Variants in ZNF136 observed in about 807,000 individuals in gnomAD.
ZNF136 encodes the protein zinc finger protein 136.
In ZNF136, 8 loss-of-function variants were observed where a neutral mutation model predicts 11.4. The observed-to-expected ratio is 0.70, with a 90% confidence interval of 0.41 to 1.27. ZNF136 has a LOEUF of 1.27. ZNF136 is among the 50% of genes most tolerant of loss of function. ZNF136 has a pLI of 0.01. For synonymous variants in ZNF136, 190 were observed against 207.1 expected (o/e 0.92, Z 0.71); for missense variants, 590 against 656.5 (o/e 0.90, Z 1.11).
chr19:12,187,024 A>G lies in ZNF136; in HGVS notation c.646A>G (p.Arg216Gly), dbSNP rs1404286645. 6.2e-7 allele frequency: 1 copy of G among 1,614,154 alleles called. No individual in the cohort carries two copies. Among genetic ancestry groups the G allele is most frequent in the Non-Finnish European group, 8.5e-7 (1 of 1,180,014 alleles). The change falls in exon 4 of 4, where the codon AGA (arginine) becomes GGA (glycine). Residue 216 changes from arginine to glycine, a missense_variant. Transcript: ENST00000343979. ...TCCCAGTAGATTTCGAACACATGAA[A>G]GAAGTCACACTGGAGAGAAACCCTA... ...DYPSRFRTHE[R>G]SHTGEKPYEC...
intron 1 of ZNF136, chr19:12,184,919 A>G (rs893076985): frequency 5.3e-5 from 8 of 152,326 alleles, no homozygotes; most frequent in African/African-American, 1.9e-4. Flanking sequence ...AATGGATGTG[A>G]TGCAGGACAG....
chr19:12,181,722 C>A (rs1453976074), intron 1 of ZNF136, among the ~76,000 whole-genome samples: 2 of 152,046 alleles, frequency 1.3e-5, no homozygotes, highest in African/African-American at 4.8e-5. Flanking sequence ...GCAAGCTCCG[C>A]CTCCCGGGTT....
chr19:12,166,124 A>G (rs1977183101), intron 1 of ZNF136, among the ~76,000 whole-genome samples: 1 of 152,032 alleles, frequency 6.6e-6, no homozygotes, highest in Non-Finnish European at 1.5e-5. Flanking sequence ...GGTACTCAGG[A>G]GGCTGAGGCA....
At chr19:12,175,537 T>C (rs962664024) in intron 1 of ZNF136, among the ~76,000 whole-genome samples, 13 of 152,148 alleles carry the variant, frequency 8.5e-5, no homozygotes, top group Admixed American at 2.6e-4. Flanking sequence ...CACAGCAAAA[T>C]TGCACACATA....
intron 1 of ZNF136, chr19:12,184,669 CAG>C (rs2145641288): frequency 6.6e-6 from 1 of 151,882 alleles, no homozygotes; most frequent in South Asian, 2.1e-4. Flanking sequence ...AGTATAATAA[CAG>C]AAGATGGGCT....
In ZNF136 at chr19:12,189,351, C is replaced by CTTCTTTT. The variant is rs910582835; in HGVS notation, c.*1359_*1365dup. 2.0e-5 allele frequency: 3 copies of CTTCTTTT among 150,568 alleles called. No individual in the cohort carries two copies. Among genetic ancestry groups the CTTCTTTT allele is most frequent in the African/African-American group, 7.3e-5 (3 of 40,918 alleles). The allele number at this position is 150,568 out of a possible 1,614,324, so 9.3% of individuals were successfully genotyped here. On this transcript the variant is annotated 3_prime_UTR_variant, in exon 4 of 4. Coordinates refer to ENST00000343979, the MANE Select transcript of ZNF136 (RefSeq NM_003437.5). ...TTTTTTCCTTTTTTCTTTTTTCTTTCTTCTTTTTTCTTTTTGAGACAGGGT... is the reference window on the plus strand; with the variant it reads ...TTTTTTCCTTTTTTCTTTTTTCTTTCTTCTTTTTTCTTTTTTCTTTTTGAGACAGGGT...
At chr19:12,172,992 C>T (rs1034374833) in intron 1 of ZNF136, among the ~76,000 whole-genome samples, 5 of 151,976 alleles carry the variant, frequency 3.3e-5, no homozygotes, top group Admixed American at 2.6e-4. Flanking sequence ...AGCCTGGCGA[C>T]AGAGCCAGAC....
rs750252876 is a variant in ZNF136, at chr19:12,169,784, G to GTATTTT, written c.3+6598_3+6603dup. Among the ~76,000 whole-genome samples, 108 of 149,164 alleles carry GTATTTT rather than the reference G, an allele frequency of 7.2e-4. 1 individual carries two copies. The highest frequency in any genetic ancestry group is 2.2e-3 in the Admixed American group (33 of 14,916). ...GCCACCACACCCGGCTAATTTTTTT[G>GTATTTT]TATTTTTATTTTTATTTTTATTTTT... is the stretch of plus-strand genomic sequence containing the variant. On this transcript the variant is annotated intron_variant, in intron 1 of 3. Transcript: ENST00000343979.
At chr19:12,184,969 A>G (rs1163386614) in intron 1 of ZNF136, 1 of 152,274 alleles carries the variant, frequency 6.6e-6, no homozygotes, top group African/African-American at 2.4e-5. Context: ...GATGGTTTCC[A>G]GCTTTGCCCA....
rs78562794 is a variant in ZNF136 at position 12,165,587 on chromosome 19, G to A, written c.3+2381G>A. Among the ~76,000 whole-genome samples, 214 of 152,250 alleles carry A rather than the reference G, an allele frequency of 1.4e-3. 6 individuals carry two copies. The East Asian group carries it at 0.037, about 27-fold the overall frequency. ...TATCTGCATGATATGTGTAGGTGCT[G>A]TGGCTTTTTACCTAAGAAGCAGAAT... On this transcript the variant is annotated intron_variant, in intron 1 of 3. Coordinates refer to ENST00000343979, the MANE Select transcript of ZNF136 (RefSeq NM_003437.5).
At position 12,186,774 on chromosome 19, in the gene ZNF136, T is replaced by C. The variant is rs1316258056; in HGVS notation, c.396T>C (p.Tyr132=). ...KDHSGHEPKE[Y]QEYGEKPDTR... is the part of the protein sequence containing the mutation. ...ACAGTGGACATGAACCAAAGGAATA[T>C]CAGGAATATGGAGAGAAGCCAGATA... Residue 132 remains tyrosine (Y), a synonymous_variant, in exon 4 of 4, where the codon TAT becomes TAC. Transcript: ENST00000343979. 1 of 1,614,116 alleles carries C rather than the reference T, an allele frequency of 6.2e-7. No homozygotes were observed. Among genetic ancestry groups the C allele is most frequent in the South Asian group, 1.1e-5 (1 of 91,072 alleles).
Position 12,187,478 on chromosome 19 carries a change from AGGAATGTGG to A in ZNF136, c.1105_1113del (p.Cys369_Glu371del), listed in dbSNP as rs1453221611. 1 of 1,613,982 alleles carries A rather than the reference AGGAATGTGG, an allele frequency of 6.2e-7. No homozygotes were observed. The highest frequency in any genetic ancestry group is 1.1e-5 in the South Asian group (1 of 91,068). On this transcript the variant is annotated inframe_deletion, in exon 4 of 4. Coordinates refer to ENST00000343979, the MANE Select transcript of ZNF136 (RefSeq NM_003437.5). ...ACTGGAGAAAAACCTTATGAATGTA[AGGAATGTGG>A]GGAAGCATTCAGTTGTATCCCAAGT...
intron 1 of ZNF136, 121 bp from the exon 2 acceptor site, chr19:12,185,664 C>A: frequency 7.6e-7 from 1 of 1,323,274 alleles, no homozygotes; most frequent in Non-Finnish European, 1.0e-6. Flanking sequence ...GTATGATGAC[C>A]AAACAGTGGA....
chr19:12,177,194 C>T (rs1018916066), intron 1 of ZNF136, among the ~76,000 whole-genome samples: 1 of 152,192 alleles, frequency 6.6e-6, no homozygotes, highest in African/African-American at 2.4e-5. Flanking sequence ...TTCCAGTTTA[C>T]TGAATGTCTT....
At chr19:12,170,239 C>G (rs761723255) in intron 1 of ZNF136, among the ~76,000 whole-genome samples, 8 of 151,942 alleles carry the variant, frequency 5.3e-5, no homozygotes, top group Non-Finnish European at 1.2e-4. Flanking sequence ...TTTGTGGTTT[C>G]TTTGCCTCAG....
At chr19:12,175,248 G>A (rs1390664560) in intron 1 of ZNF136, among the ~76,000 whole-genome samples, 1 of 151,322 alleles carries the variant, frequency 6.6e-6, no homozygotes, top group Non-Finnish European at 1.5e-5. Context: ...AGGCTGGAGT[G>A]CAGTGATGCT....
Position 12,166,112 on chromosome 19 carries a change from C to T in ZNF136, c.3+2906C>T, listed in dbSNP as rs556270670. ...GTGTGGTGGTGGGCGCCTATAATCCCAGGTACTCAGGAGGCTGAGGCAGGA... is the reference window on the plus strand; with the variant it reads ...GTGTGGTGGTGGGCGCCTATAATCCTAGGTACTCAGGAGGCTGAGGCAGGA... On this transcript the variant is annotated intron_variant, in intron 1 of 3. Transcript: ENST00000343979. Among the ~76,000 whole-genome samples, 203 of 151,958 alleles carry T rather than the reference C, an allele frequency of 1.3e-3. 2 individuals carry two copies. The highest frequency in any genetic ancestry group is 4.7e-3 in the African/African-American group (194 of 41,434).
At position 12,164,439 on chromosome 19, in the gene ZNF136, C is replaced by CTT. The variant is rs61233117; in HGVS notation, c.3+1255_3+1256dup. Among the ~76,000 whole-genome samples the CTT allele has an allele frequency of 1.4e-3, 170 of 122,848 alleles. 7 individuals carry two copies. The highest frequency in any genetic ancestry group is 2.5e-3 in the African/African-American group (78 of 31,236). 80.6% of individuals were successfully genotyped at this position (122,848 alleles called of 152,430 possible). The stretch of plus-strand genomic sequence containing the variant: ...GTTTTGCGCCACCACTCCCAGATAA[C>CTT]TTTTTTTTTTTTTTTTTTTTTTTGA... On this transcript the variant is annotated intron_variant, in intron 1 of 3. Transcript: ENST00000343979.
At chr19:12,173,677 G>A (rs1439184207) in intron 1 of ZNF136, among the ~76,000 whole-genome samples, 2 of 152,042 alleles carry the variant, frequency 1.3e-5, no homozygotes, top group Non-Finnish European at 2.9e-5. Context: ...AGCTGTGTTG[G>A]CGAGTTAATT....
Sources: allele counts gnomAD v4.1 joint callset (sites outside exome capture counted in the v4.1 genomes callset), GRCh38; gene constraint gnomAD v4.1.1; transcripts MANE v1.5; gene names NCBI Gene and HGNC (gene_info 2026-07-23, HGNC 2026-07-21).